The following LRRFIP2 variants were observed in gnomAD, a reference collection of about 807,000 sequenced individuals.
LRRFIP2 encodes leucine-rich repeat flightless-interacting protein 2.
In LRRFIP2, 109 loss-of-function variants were observed where a neutral mutation model predicts 125.9. That is an observed-to-expected ratio of 0.87 (90% confidence interval 0.74 to 1.01). LRRFIP2 has a LOEUF of 1.01. Ranked by LOEUF, LRRFIP2 falls within the 50% of genes least tolerant of loss-of-function variation. The pLI is 0.00. For missense variants in LRRFIP2, 850 were observed against 862.3 expected, an observed-to-expected ratio of 0.99 and a Z score of 0.18; for synonymous variants, 291 against 293.1, an observed-to-expected ratio of 0.99 and a Z score of 0.07.
intron 1 of LRRFIP2, chr3:37,171,059 G>A (rs1247986805): frequency 2.0e-5 from 3 of 152,328 alleles, no homozygotes; most frequent in African/African-American, 7.2e-5. Context: ...GGGCATCAGA[G>A]TGAGACCCTG....
intron 1 of LRRFIP2, chr3:37,170,865 G>A (rs750250334): frequency 5.3e-5 from 8 of 152,202 alleles, no homozygotes; most frequent in Non-Finnish European, 1.0e-4. Context: ...TGTGAGCCCA[G>A]GAGTTAGAGA....
chr3:37,132,494 A>G (rs1313524737), intron 2 of LRRFIP2, among the ~76,000 whole-genome samples: 1 of 152,254 alleles, frequency 6.6e-6, no homozygotes, highest in Non-Finnish European at 1.5e-5. Flanking sequence ...GGCTTCAGAG[A>G]CACACAAACA....
At chr3:37,083,248 C>T (rs909916990) in intron 19 of LRRFIP2, among the ~76,000 whole-genome samples, 2 of 152,004 alleles carry the variant, frequency 1.3e-5, no homozygotes, top group Admixed American at 6.6e-5. Flanking sequence ...TCTCTTGAAC[C>T]GTTCAGAAGT....
chr3:37,065,615 A>G, intron 23 of LRRFIP2, 195 bp downstream of exon 23: 1 of 718,768 alleles, frequency 1.4e-6, no homozygotes, highest in Non-Finnish European at 2.5e-6. Flanking sequence ...ATTGCCTTAC[A>G]GTGACCCAGA....
chr3:37,125,047 TAA>T (rs11309989), intron 4 of LRRFIP2, among the ~76,000 whole-genome samples: 78 of 150,150 alleles, frequency 5.2e-4, no homozygotes, highest in Middle Eastern at 6.8e-3. Flanking sequence ...TACAACGCCT[TAA>T]AAAAAAAAAG....
chr3:37,123,093 A>C (rs1274383498), intron 4 of LRRFIP2, among the ~76,000 whole-genome samples: 1 of 152,242 alleles, frequency 6.6e-6, no homozygotes, highest in Non-Finnish European at 1.5e-5. Context: ...TGTATGCTGA[A>C]GTCTGTTTAT....
intron 25 of LRRFIP2, among the ~76,000 whole-genome samples, chr3:37,057,276 G>A (rs904791419): frequency 6.6e-6 from 1 of 152,096 alleles, no homozygotes; most frequent in African/African-American, 2.4e-5. Context: ...CAATCTCTCA[G>A]ATCTATTCCC....
chr3:37,065,543 A>T, intron 23 of LRRFIP2: 2 of 594,594 alleles, frequency 3.4e-6, no homozygotes, highest in Non-Finnish European at 6.3e-6. Context: ...GTTTGTAGTT[A>T]AGTAAAAACC....
Position 37,103,006 on chromosome 3 carries a change from G to C in LRRFIP2, c.791C>G (p.Ala264Gly). ...SRGRRESVVS[A>G]ADYFSRSNRR... is the part of the protein sequence containing the mutation. Reference sequence around the variant, plus strand: ...ATTGGAGCGACTGAAATAATCAGCGGCAGATACCTTTCGGTCAGAAAAAAA... The same window carrying C: ...ATTGGAGCGACTGAAATAATCAGCGCCAGATACCTTTCGGTCAGAAAAAAA... The change falls in exon 15 of 28, where the codon GCC (alanine) becomes GGC (glycine). Residue 264 changes from alanine (A) to glycine (G), a missense_variant. Ala to Gly is a moderately conservative substitution (Grantham distance 60). Transcript: ENST00000336686. 1 of 1,559,310 alleles carries C rather than the reference G, an allele frequency of 6.4e-7. No homozygotes were observed. Among genetic ancestry groups the C allele is most frequent in the Non-Finnish European group, 8.7e-7 (1 of 1,150,094 alleles).
intron 19 of LRRFIP2, among the ~76,000 whole-genome samples, chr3:37,078,082 CACT>C (rs1559736576): frequency 1.3e-5 from 2 of 152,002 alleles, no homozygotes. Flanking sequence ...ATCTGATGTA[CACT>C]AATGTGAATA....
Position 37,102,970 on chromosome 3 carries a change from C to A in LRRFIP2, c.827G>T (p.Ser276Ile). Residue 276 changes from serine (S) to isoleucine (I), a missense_variant, in exon 15 of 28, where the codon AGT (serine) becomes ATT (isoleucine). Ser to Ile is a moderately radical substitution (Grantham distance 142, BLOSUM62 -2). Transcript: ENST00000336686. ...GATATCATCCACCTCAGAGACAACA[C>A]TTCCCCTACGATTGGAGCGACTGAA... ...DYFSRSNRRG[S>I]VVSEVDDISI... The A allele has an allele frequency of 6.4e-7, 1 of 1,566,670 alleles. No individual in the cohort carries two copies. Among genetic ancestry groups the A allele is most frequent in the Non-Finnish European group, 8.7e-7 (1 of 1,153,772 alleles).
Position 37,104,420 on chromosome 3 carries a change from T to C in LRRFIP2, c.783+1035A>G, listed in dbSNP as rs113507275. Among the ~76,000 whole-genome samples the C allele has an allele frequency of 3.6e-3, 544 of 152,350 alleles. 3 individuals carry two copies. Among genetic ancestry groups the C allele is most frequent in the African/African-American group, 0.013 (532 of 41,590 alleles). ...ATTATTTCTCCTTCAGTTGTGAGCG[T>C]GAGCATTAGTTGCTTTGCTAAGGAA... is the stretch of plus-strand genomic sequence containing the variant. On this transcript the variant is annotated intron_variant, in intron 14 of 27. Coordinates refer to ENST00000336686, the MANE Select transcript of LRRFIP2 (RefSeq NM_006309.4).
At chr3:37,146,547 T>A (rs1485633754) in intron 2 of LRRFIP2, among the ~76,000 whole-genome samples, 1 of 152,206 alleles carries the variant, frequency 6.6e-6, no homozygotes, top group Non-Finnish European at 1.5e-5. Context: ...CTCCCACTTA[T>A]AAGTGAGAAC....
chr3:37,112,291 G>A (rs982020815), intron 8 of LRRFIP2, among the ~76,000 whole-genome samples: 2 of 148,208 alleles, frequency 1.3e-5, no homozygotes, highest in Admixed American at 6.8e-5. Context: ...AGCCGAGATC[G>A]CGCCATGCAC....
At position 37,109,570 on chromosome 3, in the gene LRRFIP2, G is replaced by A. The variant is rs1197013747; in HGVS notation, c.566C>T (p.Ala189Val). Residue 189 changes from alanine to valine, a missense_variant and splice_region_variant, in exon 11 of 28, where the codon GCC becomes GTC. By Grantham distance (64) the Ala-to-Val change is moderately conservative (BLOSUM62 0). Transcript: ENST00000336686. ...DPLATYKSDR[A>V]SPTANSGLLR... ...CAGACCAGAATTTGCAGTAGGAGAG[G>A]CCTAAGAAAAAAGTGTATTATTAAA... 6.2e-7 allele frequency: 1 copy of A among 1,613,962 alleles called. No individual in the cohort carries two copies. Among genetic ancestry groups the A allele is most frequent in the South Asian group, 1.1e-5 (1 of 91,070 alleles).
intron 6 of LRRFIP2, among the ~76,000 whole-genome samples, chr3:37,115,638 T>TG (rs1559912897): frequency 1.3e-5 from 2 of 152,176 alleles, no homozygotes; most frequent in African/African-American, 4.8e-5. Context: ...AAGAATGTCC[T>TG]TCCTCAAGAA....
chr3:37,169,220 T>C (rs2096551601), intron 1 of LRRFIP2, among the ~76,000 whole-genome samples: 1 of 152,188 alleles, frequency 6.6e-6, no homozygotes, highest in South Asian at 2.1e-4. Flanking sequence ...AAGCAACAAA[T>C]GACTGTATTT....
At chr3:37,134,340 G>T (rs1252374364) in intron 2 of LRRFIP2, among the ~76,000 whole-genome samples, 4 of 152,196 alleles carry the variant, frequency 2.6e-5, no homozygotes, top group Non-Finnish European at 5.9e-5. Flanking sequence ...CACTAAGAAA[G>T]AACTTCTCGG....
Position 37,053,642 on chromosome 3 carries a change from A to C in LRRFIP2, c.*209T>G. On this transcript the variant is annotated 3_prime_UTR_variant, in exon 28 of 28. Transcript: ENST00000336686. Reference sequence around the variant, plus strand: ...AATAAAAACAGCATGGACTGGTTCTACCCTAGAATCAAACTACAACAAAAT... The same window carrying C: ...AATAAAAACAGCATGGACTGGTTCTCCCCTAGAATCAAACTACAACAAAAT... The C allele has an allele frequency of 1.8e-6, 1 of 559,802 alleles. No individual in the cohort carries two copies. Among genetic ancestry groups the C allele is most frequent in the South Asian group, 2.2e-5 (1 of 45,236 alleles). 34.7% of individuals were successfully genotyped at this position (559,802 alleles called of 1,614,324 possible). A position where few individuals can be genotyped will look rare whatever the true frequency, so the allele number is the denominator to read the frequency against.
Sources: allele counts gnomAD v4.1 joint callset (sites outside exome capture counted in the v4.1 genomes callset), GRCh38; gene constraint gnomAD v4.1.1; transcripts MANE v1.5; gene names NCBI Gene and HGNC (gene_info 2026-07-23, HGNC 2026-07-21).